The following P4HA3 variants were observed in gnomAD, a reference collection of about 807,000 sequenced individuals.
P4HA3 encodes prolyl 4-hydroxylase subunit alpha 3, also known as prolyl 4-hydroxylase subunit alpha-3.
Under a neutral mutation model 66.7 loss-of-function variants are expected in P4HA3, and 60 were observed. The ratio of observed to expected loss-of-function variants is 0.90; its 90% confidence interval spans 0.73 to 1.12. The LOEUF (loss-of-function observed/expected upper bound fraction) is 1.12. Among genes scored for constraint, P4HA3 ranks in the 50% most tolerant of loss-of-function variants. The probability of loss-of-function intolerance (pLI) is 0.00; values close to 1 mark genes in which losing one functional copy is unlikely to be tolerated. For missense variants in P4HA3, 683 were observed against 685.8 expected (o/e 1.00, Z 0.05); for synonymous variants, 263 against 274.6 (o/e 0.96, Z 0.42).
At chr11:74,281,113 A>T (rs894405300) in intron 7 of P4HA3, among the ~76,000 whole-genome samples, 2 of 152,254 alleles carry the variant, frequency 1.3e-5, no homozygotes, top group African/African-American at 2.4e-5. Flanking sequence ...GCCAAAAAAC[A>T]CATGAAAAAA....
intron 1 of P4HA3, among the ~76,000 whole-genome samples, chr11:74,305,424 C>T (rs1861551701): frequency 6.6e-6 from 1 of 151,414 alleles, no homozygotes; most frequent in African/African-American, 2.4e-5. Flanking sequence ...TTTACCCATT[C>T]CACAGAGAGG....
chr11:74,252,389 G>A (rs1859723301), intron 15 of P4HA3: 1 of 453,714 alleles, frequency 2.2e-6, no homozygotes, highest in Admixed American at 2.4e-5. Flanking sequence ...AAGCCACCGC[G>A]CCTGGCCTAG....
At chr11:74,279,686 T>C (rs1229090103) in intron 7 of P4HA3, among the ~76,000 whole-genome samples, 2 of 152,236 alleles carry the variant, frequency 1.3e-5, no homozygotes, top group Non-Finnish European at 2.9e-5. Context: ...ACACTGTGTC[T>C]AGTCGACAGT....
intron 5 of P4HA3, among the ~76,000 whole-genome samples, chr11:74,287,705 A>T (rs1415448499): frequency 2.6e-5 from 4 of 152,268 alleles, no homozygotes. Flanking sequence ...ATATTAAAAC[A>T]AAATAGTGAT....
chr11:74,266,821 G>A lies in P4HA3; in HGVS notation c.*427C>T. On this transcript the variant is annotated 3_prime_UTR_variant, in exon 13 of 13. Coordinates refer to ENST00000331597, the MANE Select transcript of P4HA3 (RefSeq NM_182904.5). Reference sequence around the variant, plus strand: ...TTGGGCTGCAGCAGAAGGCAGTGGGGAGAAAGTCTTAAAGTTCTGGGAGTC... The same window carrying A: ...TTGGGCTGCAGCAGAAGGCAGTGGGAAGAAAGTCTTAAAGTTCTGGGAGTC... 3.6e-6 allele frequency: 2 copies of A among 552,866 alleles called. No homozygotes were observed. The highest frequency in any genetic ancestry group is 1.9e-5 in the African/African-American group (1 of 53,306). 34.2% of individuals were successfully genotyped at this position (552,866 alleles called of 1,614,324 possible).
Position 74,273,607 on chromosome 11 carries a change from A to C in P4HA3, c.1336T>G (p.Ser446Ala). 1 of 1,555,068 alleles carries C rather than the reference A, an allele frequency of 6.4e-7. No homozygotes were observed. The highest frequency in any genetic ancestry group is 2.3e-5 in the East Asian group (1 of 42,666). Residue 446 changes from serine (S) to alanine (A), a missense_variant and splice_region_variant, in exon 10 of 13, where the codon TCA (serine) becomes GCA (alanine). Transcript: ENST00000331597. ...HYEPHFDHAT[S>A]PSSPLYRMKS... is the part of the protein sequence containing the mutation. ...ATTCTGTAGAGGGGGCTGCTTGGTG[A>C]CTGAGAAAAAAAAAAACAGAACATA...
chr11:74,278,560 C>T (rs1339818660), intron 8 of P4HA3, among the ~76,000 whole-genome samples: 2 of 152,008 alleles, frequency 1.3e-5, no homozygotes, highest in African/African-American at 2.4e-5. Context: ...GTTTCTTGTT[C>T]GGAAAAGGGA....
intron 7 of P4HA3, chr11:74,285,548 C>T (rs1184741664): frequency 5.4e-6 from 2 of 373,526 alleles, no homozygotes; most frequent in East Asian, 4.8e-5. Context: ...ACATGTACCA[C>T]GTCCCTAACA....
chr11:74,309,928 A>C (rs1861679616), intron 1 of P4HA3, among the ~76,000 whole-genome samples: 1 of 152,178 alleles, frequency 6.6e-6, no homozygotes, highest in South Asian at 2.1e-4. Flanking sequence ...ATGGGGTCAC[A>C]AAGTTTCGCA....
rs1179717289 is a variant in P4HA3 at position 74,311,590 on chromosome 11, C to T, written c.22G>A (p.Ala8Thr). Residue 8 changes from alanine (A) to threonine (T), a missense_variant, in exon 1 of 13, where the codon GCG (alanine) becomes ACG (threonine). Coordinates refer to ENST00000331597, the MANE Select transcript of P4HA3 (RefSeq NM_182904.5). MGPGARL[A>T]ALLAVLALGT... is the part of the protein sequence containing the mutation. The stretch of plus-strand genomic sequence containing the variant: ...AGCGCCAGCACCGCCAGCAGCGCCG[C>T]CAGCCGCGCCCCAGGACCCATAGCC... 4 of 1,534,972 alleles carry T rather than the reference C, an allele frequency of 2.6e-6. No homozygotes were observed. The African/African-American group carries it at 4.3e-5, about 16-fold the overall frequency.
chr11:74,282,107 C>A (rs1351980551), intron 7 of P4HA3, among the ~76,000 whole-genome samples: 3 of 146,612 alleles, frequency 2.0e-5, no homozygotes, highest in African/African-American at 7.5e-5. Flanking sequence ...CCCTTCTGTT[C>A]TTTTAGGGCA....
downstream of P4HA3, among the ~76,000 whole-genome samples, chr11:74,261,783 T>A (rs1031418208): frequency 8.5e-5 from 13 of 152,326 alleles, no homozygotes; most frequent in African/African-American, 3.1e-4. Context: ...GCTGAATGAA[T>A]AAATGACAGG....
At chr11:74,284,080 G>C (rs1472541948) in intron 7 of P4HA3, among the ~76,000 whole-genome samples, 1 of 152,270 alleles carries the variant, frequency 6.6e-6, no homozygotes, top group African/African-American at 2.4e-5. Flanking sequence ...ATGGCTGCCT[G>C]GATGAACTGC....
intron 5 of P4HA3, among the ~76,000 whole-genome samples, chr11:74,288,763 AC>A (rs2134774030): frequency 6.6e-6 from 1 of 152,144 alleles, no homozygotes; most frequent in South Asian, 2.1e-4. Flanking sequence ...AGCCTGGCCA[AC>A]GTGGTGAAAC....
intron 3 of P4HA3, among the ~76,000 whole-genome samples, chr11:74,300,793 T>C (rs1353939265): frequency 1.3e-5 from 2 of 152,154 alleles, no homozygotes; most frequent in Non-Finnish European, 2.9e-5. Flanking sequence ...GAAATGAGAA[T>C]AAATGTCCAT....
Position 74,304,318 on chromosome 11 carries a change from C to G in P4HA3, c.295G>C (p.Asp99His). ...AGACTATGTACCACATTCCTCCAGT[C>G]AGACTGCAGGCGTTTGATGAGAGTA... ...AFTLIKRLQSDWRNVVHSLEA... is the reference protein window; with the variant it reads ...AFTLIKRLQSHWRNVVHSLEA... Residue 99 changes from aspartate to histidine, a missense_variant, in exon 2 of 13, where the codon GAC (aspartate) becomes CAC (histidine). Transcript: ENST00000331597. 1 of 1,614,118 alleles carries G rather than the reference C, an allele frequency of 6.2e-7. No homozygotes were observed. The highest frequency in any genetic ancestry group is 8.5e-7 in the Non-Finnish European group (1 of 1,180,024).
intron 10 of P4HA3, 72 bp downstream of exon 10, chr11:74,273,473 T>C (rs1860276579): frequency 1.5e-6 from 2 of 1,307,584 alleles, no homozygotes; most frequent in Non-Finnish European, 2.0e-6. Flanking sequence ...ATACGTGAAA[T>C]TGCTTTGAAA....
At chr11:74,271,660 A>C (rs518190) in intron 10 of P4HA3, among the ~76,000 whole-genome samples, 149,719 of 152,162 alleles carry the variant, frequency 0.98, 73,821 homozygotes, top group Middle Eastern at 1. Flanking sequence ...CCGCACCCAG[A>C]TTGGGACTGA....
At chr11:74,250,870 C>A (rs1859640201) in intron 15 of P4HA3, 12 of 1,218,796 alleles carry the variant, frequency 9.8e-6, no homozygotes, top group Non-Finnish European at 1.4e-5. Context: ...GAGGTAGGTC[C>A]TGGGCTCCTG....
Sources: allele counts gnomAD v4.1 joint callset (sites outside exome capture counted in the v4.1 genomes callset), GRCh38; gene constraint gnomAD v4.1.1; transcripts MANE v1.5; gene names NCBI Gene and HGNC (gene_info 2026-07-23, HGNC 2026-07-21).